Variants in RAB31 observed in about 807,000 individuals in gnomAD.
RAB31 encodes the protein RAB31, member RAS oncogene family.
A neutral mutation model predicts 25.6 loss-of-function variants in RAB31; 21 were observed. The observed-to-expected ratio is 0.82, with a 90% CI of 0.58 to 1.18. The LOEUF (loss-of-function observed/expected upper bound fraction) is 1.18, where lower values mean the gene tolerates loss of function less well. Among genes scored for constraint, RAB31 ranks in the 50% most tolerant of loss-of-function variants. RAB31 has a pLI of 0.00. For synonymous variants in RAB31, 87 were observed against 84.0 expected, an observed-to-expected ratio of 1.04 and a Z score of -0.20; for missense variants, 196 against 250.1, an observed-to-expected ratio of 0.78 and a Z score of 1.46.
intron 3 of RAB31, 122 bp from the exon 4 acceptor site, chr18:9,813,898 T>G: frequency 1.9e-6 from 1 of 528,700 alleles, no homozygotes; most frequent in Admixed American, 3.4e-5. Context: ...CATGGAAAAA[T>G]TATATAGGGA....
chr18:9,800,214 G>A (rs2267569), intron 3 of RAB31, among the ~76,000 whole-genome samples: 34,672 of 152,140 alleles, frequency 0.23, 4,089 homozygotes, highest in South Asian at 0.35. Flanking sequence ...GAGGTGAAGA[G>A]CTGGGGATAA....
intron 1 of RAB31, among the ~76,000 whole-genome samples, chr18:9,712,945 C>T (rs2068025339): frequency 1.3e-5 from 2 of 152,200 alleles, no homozygotes; most frequent in African/African-American, 4.8e-5. Flanking sequence ...TATGGTGGCT[C>T]ATTAAAGAGC....
intron 5 of RAB31, among the ~76,000 whole-genome samples, chr18:9,840,756 T>C (rs1012763424): frequency 6.6e-6 from 1 of 152,158 alleles, no homozygotes. Context: ...AAGTTTCTGG[T>C]ATCCCCAAGT....
intron 2 of RAB31, chr18:9,786,794 A>G (rs2068435645): frequency 6.6e-6 from 1 of 152,232 alleles, no homozygotes. Flanking sequence ...ATATGCAATC[A>G]AGGAATTATC....
At chr18:9,748,300 CAG>C (rs2068215661) in intron 1 of RAB31, among the ~76,000 whole-genome samples, 1 of 151,914 alleles carries the variant, frequency 6.6e-6, no homozygotes, top group South Asian at 2.1e-4. Context: ...AGTTGGAGAC[CAG>C]CCTGGACAAC....
In RAB31 at chr18:9,808,881, A is replaced by AT. The variant is rs556251857; in HGVS notation, c.202-5135dup. On this transcript the variant is annotated intron_variant, in intron 3 of 6. Coordinates refer to ENST00000578921, the MANE Select transcript of RAB31 (RefSeq NM_006868.4). The stretch of plus-strand genomic sequence containing the variant: ...CTGTGCTTGTTGGGAAACTTCATGT[A>AT]TTTTCCACCACTGCTCATTCCCAAC... 3.0e-3 allele frequency among the ~76,000 whole-genome samples: 458 copies of AT among 152,280 alleles called. 1 individual carries two copies. The highest frequency in any genetic ancestry group is 0.01 in the African/African-American group (431 of 41,558).
At chr18:9,761,218 A>G (rs1308498906) in intron 1 of RAB31, among the ~76,000 whole-genome samples, 2 of 152,214 alleles carry the variant, frequency 1.3e-5, no homozygotes, top group Non-Finnish European at 2.9e-5. Context: ...CTGTAGGAAT[A>G]TTGGAATATT....
intron 1 of RAB31, among the ~76,000 whole-genome samples, chr18:9,739,509 A>G (rs2068167265): frequency 6.6e-6 from 1 of 151,394 alleles, no homozygotes; most frequent in Non-Finnish European, 1.5e-5. Flanking sequence ...CTCAGGGTGC[A>G]GGATGAATTT....
intron 3 of RAB31, among the ~76,000 whole-genome samples, chr18:9,798,611 C>CTTATT (rs10531582): frequency 1.2e-3 from 183 of 151,064 alleles, no homozygotes; most frequent in African/African-American, 4.2e-3. Context: ...TTTTTTCTTT[C>CTTATT]TTATTTTATT....
chr18:9,822,276 A>C (rs1026930878), intron 5 of RAB31, among the ~76,000 whole-genome samples: 1 of 152,212 alleles, frequency 6.6e-6, no homozygotes, highest in African/African-American at 2.4e-5. Context: ...CAAAACAAAA[A>C]CAAACCTCAA....
intron 1 of RAB31, among the ~76,000 whole-genome samples, chr18:9,746,976 C>T (rs1316384290): frequency 3.3e-5 from 5 of 152,204 alleles, no homozygotes; most frequent in Non-Finnish European, 7.3e-5. Context: ...AGTGAAAAGA[C>T]AGCCTACAGA....
chr18:9,787,160 G>A (rs533753978), intron 2 of RAB31: 448 of 218,284 alleles, frequency 2.1e-3, no homozygotes, highest in Non-Finnish European at 3.4e-3. Flanking sequence ...CCACCCCAAA[G>A]AATTCCTTCT....
rs1456295792 is a variant in RAB31, at chr18:9,847,789, G to A, written c.490+2098G>A. On this transcript the variant is annotated intron_variant, in intron 6 of 6. Transcript: ENST00000578921. The stretch of plus-strand genomic sequence containing the variant: ...AGGTCTCGCCATGTTGCCTAGGCTG[G>A]TCTCAATCTCCTGAGCTCAAGCAAT... Among the ~76,000 whole-genome samples the A allele has an allele frequency of 1.3e-5, 2 of 152,124 alleles. 1 individual carries two copies. Among genetic ancestry groups the A allele is most frequent in the Admixed American group, 1.3e-4 (2 of 15,272 alleles).
rs540587396 is a variant in RAB31 at position 9,785,032 on chromosome 18, T to G, written c.120-7122T>G. Reference sequence around the variant, plus strand: ...AAGGGGTGGTCACACTGCAGTGTGATTGACATAAAGACCGATGTTACTTGG... The same window carrying G: ...AAGGGGTGGTCACACTGCAGTGTGAGTGACATAAAGACCGATGTTACTTGG... On this transcript the variant is annotated intron_variant, in intron 2 of 6. Coordinates refer to ENST00000578921, the MANE Select transcript of RAB31 (RefSeq NM_006868.4). 2.0e-5 allele frequency: 3 copies of G among 152,334 alleles called. No homozygotes were observed. The South Asian group carries it at 6.2e-4, about 32-fold the overall frequency. 9.4% of individuals were successfully genotyped at this position (152,334 alleles called of 1,614,324 possible).
At chr18:9,832,418 A>T (rs2068683336) in intron 5 of RAB31, among the ~76,000 whole-genome samples, 1 of 152,226 alleles carries the variant, frequency 6.6e-6, no homozygotes, top group African/African-American at 2.4e-5. Context: ...GGTTCACAGC[A>T]CGAAGATCAT....
rs2068444512 is a variant in RAB31 at position 9,788,483 on chromosome 18, G to A, written c.120-3671G>A. On this transcript the variant is annotated intron_variant, in intron 2 of 6. Coordinates refer to ENST00000578921, the MANE Select transcript of RAB31 (RefSeq NM_006868.4). ...GTACATTAGTACAGACATTATGGAA[G>A]ACAGTATGGAGGTTTCTCAACAAAG... Among the ~76,000 whole-genome samples the A allele has an allele frequency of 1.3e-5, 2 of 152,214 alleles. 1 individual carries two copies. Among genetic ancestry groups the A allele is most frequent in the South Asian group, 4.1e-4 (2 of 4,828 alleles).
At chr18:9,739,282 G>T (rs1350254215) in intron 1 of RAB31, among the ~76,000 whole-genome samples, 1 of 152,160 alleles carries the variant, frequency 6.6e-6, no homozygotes, top group Admixed American at 6.5e-5. Context: ...AGACCATCCT[G>T]ACTAACACGG....
chr18:9,786,196 A>G (rs944951052), intron 2 of RAB31, among the ~76,000 whole-genome samples: 1 of 152,238 alleles, frequency 6.6e-6, no homozygotes, highest in Non-Finnish European at 1.5e-5. Context: ...GAGAATGCCT[A>G]TGTAATGAAG....
chr18:9,809,796 T>G (rs1263939900), intron 3 of RAB31, among the ~76,000 whole-genome samples: 1 of 152,246 alleles, frequency 6.6e-6, no homozygotes, highest in African/African-American at 2.4e-5. Context: ...TCTCTGATTA[T>G]TCCCTTAAGA....
Sources: allele counts gnomAD v4.1 joint callset (sites outside exome capture counted in the v4.1 genomes callset), GRCh38; gene constraint gnomAD v4.1.1; transcripts MANE v1.5; gene names NCBI Gene and HGNC (gene_info 2026-07-23, HGNC 2026-07-21).